The following ACYP2 variants were observed in gnomAD, a reference collection of about 807,000 sequenced individuals.
The protein encoded by ACYP2 is acylphosphatase-2.
ACYP2 carries 12 observed loss-of-function variants against 11.2 expected under a neutral mutation model. That is an observed-to-expected ratio of 1.08 (90% CI 0.69 to 1.74). The LOEUF is 1.74. Among genes scored for constraint, ACYP2 ranks in the 40% most tolerant of loss-of-function variants. The pLI, the probability that ACYP2 is intolerant of heterozygous loss-of-function variation, is 0.00. For synonymous variants in ACYP2, 43 were observed against 32.2 expected (o/e 1.33, Z -1.13); for missense variants, 134 against 101.9 (o/e 1.31, Z -1.35).
chr2:54,161,523 AAC>A (rs10588789), intron 6 of ACYP2, among the ~76,000 whole-genome samples: 1,588 of 152,312 alleles, frequency 0.01, 35 homozygotes, highest in African/African-American at 0.035. Context: ...GAATGCCTTA[AAC>A]ACTATCCCAA....
chr2:54,213,803 G>T (rs977704951), intron 6 of ACYP2, among the ~76,000 whole-genome samples: 31 of 143,742 alleles, frequency 2.2e-4, no homozygotes, highest in African/African-American at 5.8e-4. Flanking sequence ...TCACTCTATT[G>T]CCCAGGCAGG....
At chr2:54,195,984 G>A (rs1404975020) in intron 6 of ACYP2, among the ~76,000 whole-genome samples, 1 of 151,820 alleles carries the variant, frequency 6.6e-6, no homozygotes, top group Non-Finnish European at 1.5e-5. Flanking sequence ...TTTTAGTAGA[G>A]ACAAGGTTTC....
intron 6 of ACYP2, among the ~76,000 whole-genome samples, chr2:54,169,113 A>T (rs1248026061): frequency 1.3e-5 from 2 of 152,194 alleles, no homozygotes; most frequent in Non-Finnish European, 2.9e-5. Flanking sequence ...CTTATCGCTT[A>T]CCTTTTTCCC....
intron 4 of ACYP2, among the ~76,000 whole-genome samples, chr2:54,065,057 C>G (rs1041786021): frequency 6.6e-6 from 1 of 151,712 alleles, no homozygotes; most frequent in African/African-American, 2.4e-5. Flanking sequence ...GCACTCCAGC[C>G]TGGGTGACAG....
At chr2:54,085,607 C>T (rs1345038779) in intron 4 of ACYP2, among the ~76,000 whole-genome samples, 1 of 152,018 alleles carries the variant, frequency 6.6e-6, no homozygotes, top group Non-Finnish European at 1.5e-5. Context: ...TATCAATTAG[C>T]CTGTGGTAAA....
intron 4 of ACYP2, among the ~76,000 whole-genome samples, chr2:54,125,293 G>C (rs186467422): frequency 9.9e-5 from 15 of 152,056 alleles, no homozygotes; most frequent in African/African-American, 3.4e-4. Context: ...ATGTGTGTTT[G>C]GGCCATAATC....
At chr2:54,201,913 G>A (rs1020342283) in intron 6 of ACYP2, among the ~76,000 whole-genome samples, 1 of 151,678 alleles carries the variant, frequency 6.6e-6, no homozygotes, top group African/African-American at 2.4e-5. Flanking sequence ...TCTCCATGTT[G>A]GTCAAGCTGG....
At chr2:54,088,272 C>G (rs1243229555) in intron 4 of ACYP2, among the ~76,000 whole-genome samples, 1 of 152,138 alleles carries the variant, frequency 6.6e-6, no homozygotes, top group Non-Finnish European at 1.5e-5. Flanking sequence ...AGCATGAGGT[C>G]ATGTTGGATC....
intron 4 of ACYP2, among the ~76,000 whole-genome samples, chr2:54,112,914 G>C (rs552698509): frequency 2.6e-5 from 4 of 152,148 alleles, no homozygotes; most frequent in Non-Finnish European, 4.4e-5. Context: ...CCTAATAATT[G>C]GCAGGGGTAC....
rs147488773 is a variant in ACYP2, at chr2:54,124,063, T to A, written c.278-11390T>A. 1.2e-4 allele frequency among the ~76,000 whole-genome samples: 19 copies of A among 152,346 alleles called. No homozygotes were observed. The East Asian group carries it at 2.9e-3, about 23-fold the overall frequency. ...ACTTCTAAACAATTATTACATTTGATGTTTTTTTCCCAAGTAGTGACACAA... is the reference window on the plus strand; with the variant it reads ...ACTTCTAAACAATTATTACATTTGAAGTTTTTTTCCCAAGTAGTGACACAA... On this transcript the variant is annotated intron_variant, in intron 4 of 6. Transcript: ENST00000607452.
chr2:54,223,940 G>A (rs986093150), intron 6 of ACYP2, among the ~76,000 whole-genome samples: 2 of 151,994 alleles, frequency 1.3e-5, no homozygotes, highest in Non-Finnish European at 2.9e-5. Flanking sequence ...TTATTTGGGG[G>A]TATATTCTTA....
At chr2:54,211,008 A>G (rs1685311105) in intron 6 of ACYP2, among the ~76,000 whole-genome samples, 1 of 152,206 alleles carries the variant, frequency 6.6e-6, no homozygotes, top group Non-Finnish European at 1.5e-5. Flanking sequence ...TATTTGGACC[A>G]TAGGGCCTTC....
chr2:53,974,660 A>G (rs1671377544), intron 2 of ACYP2, among the ~76,000 whole-genome samples: 1 of 152,216 alleles, frequency 6.6e-6, no homozygotes, highest in African/African-American at 2.4e-5. Flanking sequence ...ATTGTGTGAC[A>G]TACAGTATAT....
intron 6 of ACYP2, among the ~76,000 whole-genome samples, chr2:54,145,242 A>G (rs1192143475): frequency 6.6e-6 from 1 of 152,222 alleles, no homozygotes; most frequent in Non-Finnish European, 1.5e-5. Flanking sequence ...CTACTTAAAA[A>G]ATTTTGTTAA....
intron 4 of ACYP2, 94 bp downstream of exon 1, chr2:54,115,850 C>G: frequency 7.3e-7 from 1 of 1,370,638 alleles, no homozygotes; most frequent in Non-Finnish European, 9.6e-7. Flanking sequence ...TATGCCTTTT[C>G]CCGTTGTGGC....
At chr2:53,998,755 G>A (rs902726103) in intron 2 of ACYP2, among the ~76,000 whole-genome samples, 2 of 152,100 alleles carry the variant, frequency 1.3e-5, no homozygotes, top group African/African-American at 4.8e-5. Flanking sequence ...GGCAGAGGTT[G>A]CAGTGAGCCA....
intron 4 of ACYP2, among the ~76,000 whole-genome samples, chr2:54,131,580 T>C (rs1052584978): frequency 6.6e-6 from 1 of 152,026 alleles, no homozygotes; most frequent in African/African-American, 2.4e-5. Context: ...TCATGCATGG[T>C]TTTTTCCATG....
At chr2:54,132,852 C>G (rs1005711895) in intron 4 of ACYP2, among the ~76,000 whole-genome samples, 2 of 150,776 alleles carry the variant, frequency 1.3e-5, no homozygotes, top group African/African-American at 4.9e-5. Context: ...TCAAGTGATT[C>G]TCCTGCCTCA....
intron 2 of ACYP2, among the ~76,000 whole-genome samples, chr2:54,005,104 T>C (rs546422269): frequency 1.3e-5 from 2 of 152,242 alleles, no homozygotes; most frequent in East Asian, 3.9e-4. Flanking sequence ...GCCTTAAATT[T>C]AAGGTCATCT....
Sources: gnomAD v4.1 joint callset for allele counts (sites outside exome capture counted in the v4.1 genomes callset) on GRCh38, gnomAD v4.1.1 for gene constraint, MANE v1.5 for transcripts, NCBI Gene and HGNC (gene_info 2026-07-23, HGNC 2026-07-21) for gene names.